Variants in TET3 observed in about 807,000 individuals in gnomAD.
The protein encoded by TET3 is tet methylcytosine dioxygenase 3.
In TET3, 19 loss-of-function variants were observed where a neutral mutation model predicts 141.4. The observed-to-expected ratio is 0.13, with a 90% CI of 0.09 to 0.20. TET3 has a LOEUF of 0.20. TET3 is among the 10% of genes least tolerant of loss of function. The pLI, the probability that TET3 is intolerant of heterozygous loss-of-function variation, is 1.00. For missense variants in TET3, 1,874 were observed against 2,356.9 expected (o/e 0.80, Z 4.24); for synonymous variants, 1,043 against 980.9 (o/e 1.06, Z -1.18).
the TET3 span, among the ~76,000 whole-genome samples, chr2:74,125,144 T>A: frequency 6.6e-6 from 1 of 152,084 alleles, no homozygotes; most frequent in Non-Finnish European, 1.5e-5. Flanking sequence ...GTAGCTGGGA[T>A]TACAGGTGCC....
chr2:74,002,385 T>TGCTCC (rs753854360), intron 2 of TET3, among the ~76,000 whole-genome samples: 4 of 106,702 alleles, frequency 3.7e-5, no homozygotes, highest in South Asian at 3.8e-4. Context: ...CCCCGGCGTC[T>TGCTCC]GCTCCGCTCC....
At chr2:74,097,228 CACAT>C (rs1553435477) in intron 10 of TET3, among the ~76,000 whole-genome samples, 7 of 150,690 alleles carry the variant, frequency 4.6e-5, no homozygotes, top group South Asian at 2.1e-4. Flanking sequence ...CACACACACA[CACAT>C]ACATTCAAAT....
intron 4 of TET3, among the ~76,000 whole-genome samples, chr2:74,073,348 A>G (rs560573014): frequency 2.6e-5 from 4 of 152,312 alleles, no homozygotes; most frequent in South Asian, 4.1e-4. Context: ...AATTTGGTCC[A>G]TATGTGATGG....
Position 74,102,114 on chromosome 2 carries a change from G to C in TET3, c.5326G>C (p.Ala1776Pro). 1 of 1,492,554 alleles carries C rather than the reference G, an allele frequency of 6.7e-7. No homozygotes were observed. Among genetic ancestry groups the C allele is most frequent in the South Asian group, 1.4e-5 (1 of 71,648 alleles). The allele number at this position is 1,492,554 out of a possible 1,614,324, so 92.5% of individuals were successfully genotyped here. A position where few individuals can be genotyped will look rare whatever the true frequency, so the allele number is the denominator to read the frequency against. Residue 1776 changes from alanine to proline, a missense_variant, in exon 12 of 12, where the codon GCG (alanine) becomes CCG (proline). Physicochemically the swap from Ala to Pro is conservative, Grantham distance 27 (BLOSUM62 -1). This residue lies in a region of TET3 where 113 missense variants were observed against 114.3 expected (regional missense o/e 0.99). Transcript: ENST00000409262. ...GGCACTGGCTGTGCCCACAGACTCG[G>C]CGGTCACCGTGTCCTCCTATGCCTA... The part of the protein sequence containing the change: ...RQALAVPTDS[A>P]VTVSSYAYTK...
intron 5 of TET3, among the ~76,000 whole-genome samples, chr2:74,079,866 T>A (rs1374341244): frequency 2.0e-5 from 3 of 152,080 alleles, no homozygotes; most frequent in Non-Finnish European, 2.9e-5. Context: ...CTGAATATAG[T>A]GTGGTTGATT....
the TET3 span, among the ~76,000 whole-genome samples, chr2:74,128,519 C>A: frequency 1.3e-5 from 2 of 152,070 alleles, no homozygotes; most frequent in African/African-American, 4.8e-5. Flanking sequence ...AGTATGGGCT[C>A]TCCTTAATAA....
chr2:74,002,102 TA>T, intron 2 of TET3, among the ~76,000 whole-genome samples: 2 of 152,234 alleles, frequency 1.3e-5, no homozygotes, highest in Middle Eastern at 6.8e-3. Flanking sequence ...GCATAGCTGT[TA>T]AGAGTATGGT....
chr2:74,026,908 C>G (rs974864931), intron 3 of TET3, among the ~76,000 whole-genome samples: 1 of 152,224 alleles, frequency 6.6e-6, no homozygotes, highest in Non-Finnish European at 1.5e-5. Flanking sequence ...CAGGGCTGTC[C>G]CAGCTTGCTT....
In TET3 at chr2:74,047,480, C is replaced by T. The variant is rs1239828783; in HGVS notation, c.1563C>T (p.His521=). The change falls in exon 4 of 12, where the codon CAC becomes CAT. Residue 521 remains histidine (H), a synonymous_variant. Coordinates refer to ENST00000409262, the MANE Select transcript of TET3 (RefSeq NM_001287491.2). ...CGCCATCCTCGGAGCCCGACACCCA[C>T]CAGAAGGCCCAGACCGCCCTGCAGC... ...APTPSSEPDT[H]QKAQTALQQH... The T allele has an allele frequency of 8.1e-6, 13 of 1,612,634 alleles. No homozygotes were observed. The highest frequency in any genetic ancestry group is 3.3e-5 in the South Asian group (3 of 91,080).
downstream of TET3, among the ~76,000 whole-genome samples, chr2:74,108,614 G>C (rs996599422): frequency 1.3e-5 from 2 of 152,198 alleles, no homozygotes; most frequent in African/African-American, 2.4e-5. Context: ...CCGAGATTCT[G>C]CTGACCAGCG....
At chr2:74,036,581 C>T (rs1359909629) in intron 3 of TET3, among the ~76,000 whole-genome samples, 1 of 152,182 alleles carries the variant, frequency 6.6e-6, no homozygotes, top group Non-Finnish European at 1.5e-5. Context: ...TGTGCTCTTC[C>T]ACATTGCCTT....
intron 2 of TET3, among the ~76,000 whole-genome samples, chr2:73,990,372 G>GT (rs1179071898): frequency 6.6e-6 from 1 of 152,066 alleles, no homozygotes; most frequent in Non-Finnish European, 1.5e-5. Context: ...CAAATTAAGC[G>GT]TTTATCTCAA....
intron 3 of TET3, among the ~76,000 whole-genome samples, chr2:74,025,558 G>A (rs1024502042): frequency 2.6e-5 from 4 of 151,946 alleles, no homozygotes; most frequent in South Asian, 4.2e-4. Context: ...GTGAGCCACC[G>A]CACCCGGCCT....
chr2:74,032,491 G>GCGCGCGCGCGCGCGA (rs1558730175), intron 3 of TET3, among the ~76,000 whole-genome samples: 3 of 150,868 alleles, frequency 2.0e-5, no homozygotes, highest in African/African-American at 7.3e-5. Flanking sequence ...GTGTGTGTGT[G>GCGCGCGCGCGCGCGA]TGTGTGTGTG....
rs1188282235 is a variant in TET3 at position 74,105,637 on chromosome 2, G to A, written c.*3461G>A. On this transcript the variant is annotated 3_prime_UTR_variant, in exon 12 of 12. Coordinates refer to ENST00000409262, the MANE Select transcript of TET3 (RefSeq NM_001287491.2). ...GATGATACCCCACCGCCCCCTCTTGGTCCTTCCACCAGCCTCTTTTGGGAA... is the reference window on the plus strand; with the variant it reads ...GATGATACCCCACCGCCCCCTCTTGATCCTTCCACCAGCCTCTTTTGGGAA... 2.7e-6 allele frequency: 1 copy of A among 366,148 alleles called. No homozygotes were observed. The highest frequency in any genetic ancestry group is 4.9e-6 in the Non-Finnish European group (1 of 205,270). 22.7% of individuals were successfully genotyped at this position (366,148 alleles called of 1,614,324 possible). A position where few individuals can be genotyped will look rare whatever the true frequency, so the allele number is the denominator to read the frequency against.
chr2:74,099,836 A>G (rs748115246), intron 11 of TET3, among the ~76,000 whole-genome samples: 27 of 152,144 alleles, frequency 1.8e-4, no homozygotes, highest in Non-Finnish European at 3.2e-4. Flanking sequence ...GTAGAGGGGA[A>G]GCACTGGGTT....
At chr2:74,035,701 T>G (rs2105313730) in intron 3 of TET3, among the ~76,000 whole-genome samples, 1 of 152,258 alleles carries the variant, frequency 6.6e-6, no homozygotes, top group African/African-American at 2.4e-5. Flanking sequence ...CACTCCAGCC[T>G]GGGCGACAGA....
intron 3 of TET3, among the ~76,000 whole-genome samples, chr2:74,008,142 A>C (rs1051047055): frequency 3.9e-5 from 6 of 152,088 alleles, no homozygotes; most frequent in African/African-American, 1.4e-4. Flanking sequence ...ATGCCTCCCC[A>C]CCCCTTCTGG....
intron 4 of TET3, among the ~76,000 whole-genome samples, chr2:74,057,761 G>A (rs1282891914): frequency 3.3e-5 from 5 of 152,230 alleles, no homozygotes; most frequent in African/African-American, 1.2e-4. Flanking sequence ...TCAAGGGGGA[G>A]AAACTAGAGA....
Sources: allele counts gnomAD v4.1 joint callset (sites outside exome capture counted in the v4.1 genomes callset), GRCh38; gene constraint gnomAD v4.1.1; regional missense constraint gnomAD v4.1.1; transcripts MANE v1.5; gene names NCBI Gene and HGNC (gene_info 2026-07-23, HGNC 2026-07-21).